DACH2: variants seen among roughly 807,000 people sequenced by gnomAD.
DACH2 encodes dachshund family transcription factor 2, also known as dachshund homolog 2.
Under a neutral mutation model 35.8 loss-of-function variants are expected in DACH2, and 17 were observed. The ratio of observed to expected loss-of-function variants is 0.48; its 90% confidence interval spans 0.33 to 0.71. DACH2 has a LOEUF of 0.71. Ranked by LOEUF, DACH2 falls within the 30% of genes least tolerant of loss-of-function variation. DACH2 has a pLI of 0.02. For missense variants in DACH2, 469 were observed against 472.7 expected, an observed-to-expected ratio of 0.99 and a Z score of 0.07; for synonymous variants, 195 against 177.3, an observed-to-expected ratio of 1.10 and a Z score of -0.79.
chrX:86,226,859 T>G (rs1345306819), intron 1 of DACH2, among the ~76,000 whole-genome samples: 1 of 111,553 alleles, frequency 9.0e-6, no homozygotes, highest in African/African-American at 3.2e-5. Flanking sequence ...TATTATAGTG[T>G]GAATATAATG....
At chrX:86,637,986 G>A (rs1269803165) in intron 3 of DACH2, among the ~76,000 whole-genome samples, 1 of 111,597 alleles carries the variant, frequency 9.0e-6, no homozygotes, top group African/African-American at 3.3e-5. Context: ...CAAGGGCAGA[G>A]GTATCACAAT....
chrX:86,799,197 G>A (rs2042267788), intron 7 of DACH2: 1 of 255,798 alleles, frequency 3.9e-6, no homozygotes, highest in Admixed American at 4.9e-5. Context: ...TGAAACTGAA[G>A]GCACTTTCCT....
chrX:86,341,827 A>G (rs1300203749), intron 1 of DACH2, among the ~76,000 whole-genome samples: 1 of 112,064 alleles, frequency 8.9e-6, no homozygotes, highest in Admixed American at 9.5e-5. Flanking sequence ...TGGAGGATGT[A>G]ACTGCAGACA....
At chrX:86,615,047 T>C (rs752675898) in intron 3 of DACH2, among the ~76,000 whole-genome samples, 1 of 111,605 alleles carries the variant, frequency 9.0e-6, no homozygotes, top group Non-Finnish European at 1.9e-5. Flanking sequence ...CCTTGAAATC[T>C]TCTAAAACAC....
chrX:86,160,461 G>T, intron 1 of DACH2: 2 of 535,078 alleles, frequency 3.7e-6, no homozygotes, highest in Admixed American at 5.0e-5. Context: ...CCATCTTCCA[G>T]CTTCTTACCA....
chrX:86,624,035 G>A (rs1428452394), intron 3 of DACH2, among the ~76,000 whole-genome samples: 3 of 63,436 alleles, frequency 4.7e-5, no homozygotes, highest in South Asian at 9.7e-4. Context: ...GCGACAGAGC[G>A]AAACTCCGTC....
intron 3 of DACH2, among the ~76,000 whole-genome samples, chrX:86,641,089 T>C (rs1275671407): frequency 8.9e-6 from 1 of 111,940 alleles, no homozygotes; most frequent in East Asian, 2.8e-4. Context: ...CAACAAGAGT[T>C]CTTAACAAGG....
At chrX:86,796,219 C>A (rs774994345) in intron 7 of DACH2, among the ~76,000 whole-genome samples, 1 of 111,610 alleles carries the variant, frequency 9.0e-6, no homozygotes, top group African/African-American at 3.3e-5. Flanking sequence ...CTGACTGGTG[C>A]GTTTTTACAG....
intron 5 of DACH2, among the ~76,000 whole-genome samples, chrX:86,706,675 G>A (rs371310416): frequency 9.1e-6 from 1 of 110,317 alleles, no homozygotes; most frequent in Non-Finnish European, 1.9e-5. Context: ...TAAACGAGAA[G>A]CCAATAACAG....
At chrX:86,619,733 A>G (rs770141545) in intron 3 of DACH2, among the ~76,000 whole-genome samples, 15 of 112,180 alleles carry the variant, frequency 1.3e-4, no homozygotes, top group Non-Finnish European at 2.4e-4. Context: ...AAGGGGCACT[A>G]TCAGTTGTTC....
At chrX:86,425,603 T>C (rs1361065246) in intron 2 of DACH2, among the ~76,000 whole-genome samples, 1 of 111,159 alleles carries the variant, frequency 9.0e-6, no homozygotes, top group East Asian at 2.9e-4. Flanking sequence ...GCTTTGCCAA[T>C]TTTGTTTAAC....
intron 4 of DACH2, among the ~76,000 whole-genome samples, chrX:86,679,297 CT>C (rs2040853416): frequency 9.0e-6 from 1 of 111,073 alleles, no homozygotes; most frequent in Non-Finnish European, 1.9e-5. Context: ...GACGGCAGAG[CT>C]TAGGAAGTTT....
At chrX:86,624,060 CAAAAAAAA>C (rs34140706) in intron 3 of DACH2, among the ~76,000 whole-genome samples, 5 of 36,052 alleles carry the variant, frequency 1.4e-4, no homozygotes, top group Admixed American at 3.8e-4. Context: ...AAAAACAAAA[CAAAAAAAA>C]AAAAAAAAAA....
chrX:86,610,398 TTTCTTTCTTTCTTTCTTTCTTTTCTTTC>T (rs2039921829), intron 3 of DACH2, among the ~76,000 whole-genome samples: 1 of 87,288 alleles, frequency 1.1e-5, no homozygotes, highest in African/African-American at 4.9e-5. Flanking sequence ...TCTTTCTTTC[TTTCTTTCTTTCTTTCTTTCTTTTCTTTC>T]TTTCTTTCTT....
chrX:86,570,105 G>A (rs1369082899), intron 3 of DACH2, among the ~76,000 whole-genome samples: 1 of 111,828 alleles, frequency 8.9e-6, no homozygotes, highest in Non-Finnish European at 1.9e-5. Flanking sequence ...CTGGCAAGGT[G>A]TGGAGAAATA....
intron 2 of DACH2, among the ~76,000 whole-genome samples, chrX:86,428,308 A>G (rs72633145): frequency 0.037 from 4,140 of 111,941 alleles, 84 homozygotes; most frequent in East Asian, 0.21. Context: ...TCATTCAAAA[A>G]TGTCAGTAAA....
At chrX:86,728,758 A>G (rs1428312419) in intron 6 of DACH2, among the ~76,000 whole-genome samples, 1 of 112,649 alleles carries the variant, frequency 8.9e-6, no homozygotes, top group Non-Finnish European at 1.9e-5. Context: ...ACAAGCCACC[A>G]TATCCCTCGG....
chrX:86,274,252 T>C (rs1233663003), intron 1 of DACH2, among the ~76,000 whole-genome samples: 1 of 110,445 alleles, frequency 9.1e-6, no homozygotes, highest in Non-Finnish European at 1.9e-5. Context: ...TTGTGTGTTT[T>C]GACTGTTGTA....
intron 2 of DACH2, among the ~76,000 whole-genome samples, chrX:86,478,482 A>C (rs2037883058): frequency 9.3e-6 from 1 of 107,246 alleles, no homozygotes. Context: ...GATGCATTGG[A>C]GCTCCATTGT....
Sources: gnomAD v4.1 joint callset for allele counts (sites outside exome capture counted in the v4.1 genomes callset) on GRCh38, gnomAD v4.1.1 for gene constraint, MANE v1.5 for transcripts, NCBI Gene and HGNC (gene_info 2026-07-23, HGNC 2026-07-21) for gene names.